Variants in PXDNL observed in about 807,000 individuals in gnomAD.
PXDNL encodes peroxidasin like, also known as probable oxidoreductase PXDNL.
A neutral mutation model predicts 150.8 loss-of-function variants in PXDNL; 145 were observed. The observed-to-expected ratio is 0.96, with a 90% CI of 0.84 to 1.10. PXDNL has a LOEUF of 1.10. Ranked by LOEUF, PXDNL falls within the 50% of genes least tolerant of loss-of-function variation. The pLI, the probability that PXDNL is intolerant of heterozygous loss-of-function variation, is 0.00. For synonymous variants in PXDNL, 757 were observed against 725.7 expected (o/e 1.04, Z -0.69); for missense variants, 2,087 against 1,873.9 (o/e 1.11, Z -2.10).
At chr8:51,389,681 T>C (rs978325020) in intron 17 of PXDNL, among the ~76,000 whole-genome samples, 1 of 152,254 alleles carries the variant, frequency 6.6e-6, no homozygotes, top group Non-Finnish European at 1.5e-5. Flanking sequence ...TTGTGACATA[T>C]AAGAATTGCC....
chr8:51,569,334 G>T (rs1812882663), intron 3 of PXDNL, among the ~76,000 whole-genome samples: 1 of 151,862 alleles, frequency 6.6e-6, no homozygotes, highest in African/African-American at 2.4e-5. Context: ...TGGTTTTACA[G>T]GTGTTTGCTT....
At chr8:51,633,363 T>C (rs1814532045) in intron 2 of PXDNL, among the ~76,000 whole-genome samples, 1 of 152,192 alleles carries the variant, frequency 6.6e-6, no homozygotes. Flanking sequence ...AACATATGAA[T>C]GCATGTGTCT....
intron 8 of PXDNL, among the ~76,000 whole-genome samples, chr8:51,462,071 A>T (rs1417245426): frequency 6.6e-6 from 1 of 152,246 alleles, no homozygotes; most frequent in Non-Finnish European, 1.5e-5. Context: ...GAAAGCACAC[A>T]GAAGCAAAGT....
chr8:51,462,513 T>C (rs1302791349), intron 8 of PXDNL, among the ~76,000 whole-genome samples: 4 of 152,080 alleles, frequency 2.6e-5, no homozygotes, highest in Non-Finnish European at 5.9e-5. Flanking sequence ...GTTAGAAGCA[T>C]TAACAACAGA....
intron 17 of PXDNL, among the ~76,000 whole-genome samples, chr8:51,386,840 A>G (rs1482768448): frequency 6.6e-6 from 1 of 152,018 alleles, no homozygotes; most frequent in African/African-American, 2.4e-5. Context: ...AAAAAAAAGA[A>G]AGAGTCTTTT....
chr8:51,592,767 T>C, intron 2 of PXDNL, 69 bp from the exon 3 acceptor site: 1 of 1,185,968 alleles, frequency 8.4e-7, no homozygotes, highest in Non-Finnish European at 1.2e-6. Context: ...AAAATAGTTC[T>C]GCTAAGTATA....
At chr8:51,663,697 C>T (rs7836076) in intron 1 of PXDNL, among the ~76,000 whole-genome samples, 4,153 of 152,230 alleles carry the variant, frequency 0.027, 103 homozygotes, top group African/African-American at 0.066. Flanking sequence ...TCATCTGCTA[C>T]ATACCTGGTT....
intron 1 of PXDNL, among the ~76,000 whole-genome samples, chr8:51,767,661 C>G (rs1204869982): frequency 6.6e-6 from 1 of 152,024 alleles, no homozygotes; most frequent in Admixed American, 6.5e-5. Flanking sequence ...CTTTTCAAAT[C>G]TTTACTGCAT....
At chr8:51,602,737 C>T (rs939687257) in intron 2 of PXDNL, among the ~76,000 whole-genome samples, 1 of 151,550 alleles carries the variant, frequency 6.6e-6, no homozygotes, top group African/African-American at 2.4e-5. Flanking sequence ...TTATTAAAAA[C>T]CCTTTGTAAG....
chr8:51,770,290 C>T (rs2037278759), intron 1 of PXDNL, among the ~76,000 whole-genome samples: 1 of 152,188 alleles, frequency 6.6e-6, no homozygotes, highest in Admixed American at 6.5e-5. Context: ...TGGTTTTGTA[C>T]AGAACCACAC....
intron 21 of PXDNL, among the ~76,000 whole-genome samples, chr8:51,328,568 C>G (rs1467107815): frequency 6.6e-6 from 1 of 152,200 alleles, no homozygotes; most frequent in Non-Finnish European, 1.5e-5. Context: ...AATTAACTAT[C>G]ACACTCAAGG....
intron 4 of PXDNL, among the ~76,000 whole-genome samples, chr8:51,514,337 C>T (rs1811488643): frequency 6.6e-6 from 1 of 152,138 alleles, no homozygotes; most frequent in South Asian, 2.1e-4. Flanking sequence ...AAACATATTT[C>T]CAAATTGCAA....
At chr8:51,794,707 C>T (rs1288161395) in intron 1 of PXDNL, among the ~76,000 whole-genome samples, 1 of 152,176 alleles carries the variant, frequency 6.6e-6, no homozygotes, top group Non-Finnish European at 1.5e-5. Flanking sequence ...TGCAAAAACA[C>T]ACTGAAGCAC....
intron 14 of PXDNL, among the ~76,000 whole-genome samples, chr8:51,421,646 C>T (rs561453953): frequency 6.6e-6 from 1 of 152,234 alleles, no homozygotes; most frequent in South Asian, 2.1e-4. Context: ...TTGCAGTGAG[C>T]CGAGATTGTG....
chr8:51,597,019 A>G (rs1175773218), intron 2 of PXDNL, among the ~76,000 whole-genome samples: 2 of 152,214 alleles, frequency 1.3e-5, no homozygotes, highest in Admixed American at 1.3e-4. Flanking sequence ...GTTTTCTTCT[A>G]GAATTCTTAG....
In PXDNL at chr8:51,577,578, A is replaced by AT. The variant is rs1563470750; in HGVS notation, c.308+15048_308+15049insA. Among the ~76,000 whole-genome samples, 220 of 142,990 alleles carry AT rather than the reference A, an allele frequency of 1.5e-3. 1 individual carries two copies. Among genetic ancestry groups the AT allele is most frequent in the African/African-American group, 5.4e-3 (207 of 38,332 alleles). 93.8% of individuals were successfully genotyped at this position (142,990 alleles called of 152,430 possible). ...TACATATATTTTATATATATATATA[A>AT]AATCTATCTATCTACATATATATAT... On this transcript the variant is annotated intron_variant, in intron 3 of 22. Coordinates refer to ENST00000356297, the MANE Select transcript of PXDNL (RefSeq NM_144651.5).
intron 15 of PXDNL, 69 bp downstream of exon 15, chr8:51,413,081 G>T: frequency 1.1e-6 from 1 of 930,146 alleles, no homozygotes; most frequent in East Asian, 2.4e-5. Flanking sequence ...TGTGACTTAT[G>T]GAGATGATAA....
At chr8:51,610,363 A>C (rs1813973264) in intron 2 of PXDNL, among the ~76,000 whole-genome samples, 1 of 152,204 alleles carries the variant, frequency 6.6e-6, no homozygotes, top group African/African-American at 2.4e-5. Context: ...GGTTTTATTT[A>C]TAATAGTATA....
chr8:51,780,821 G>A (rs1002723797), intron 1 of PXDNL, among the ~76,000 whole-genome samples: 1 of 151,890 alleles, frequency 6.6e-6, no homozygotes, highest in Non-Finnish European at 1.5e-5. Context: ...AACCATGCCT[G>A]GCTAATTTTT....
Sources: gnomAD v4.1 joint callset for allele counts (sites outside exome capture counted in the v4.1 genomes callset) on GRCh38, gnomAD v4.1.1 for gene constraint, MANE v1.5 for transcripts, NCBI Gene and HGNC (gene_info 2026-07-23, HGNC 2026-07-21) for gene names.